The following SAP30 variants were observed in gnomAD, a reference collection of about 807,000 sequenced individuals.
SAP30 encodes the protein Sin3A associated protein 30.
SAP30 carries 13 observed loss-of-function variants against 19.6 expected under a neutral mutation model. The observed-to-expected ratio is 0.66, with a 90% CI of 0.43 to 1.05. The LOEUF is 1.05. Ranked by LOEUF, SAP30 falls within the 50% of genes least tolerant of loss-of-function variation. The probability of loss-of-function intolerance (pLI) is 0.00; values close to 1 mark genes in which losing one functional copy is unlikely to be tolerated. For synonymous variants in SAP30, 108 were observed against 122.7 expected (o/e 0.88, Z 0.79); for missense variants, 257 against 292.1 (o/e 0.88, Z 0.88).
At chr4:173,377,110 G>T in intron 3 of SAP30, 95 bp from the exon 4 acceptor site, 1 of 816,494 alleles carries the variant, frequency 1.2e-6, no homozygotes. Flanking sequence ...TTATCACATA[G>T]CACTTTTTCT....
At position 173,373,687 on chromosome 4, in the gene SAP30, T is replaced by C. The variant is rs138568066; in HGVS notation, c.441+172T>C. Among the ~76,000 whole-genome samples the C allele has an allele frequency of 3.3e-5, 5 of 152,320 alleles. No homozygotes were observed. The East Asian group carries it at 9.6e-4, about 29-fold the overall frequency. ...CATTTACACAGTTTGAATTGTTACATTTTAGATTGACAATTTTTGCAGCTC... is the reference window on the plus strand; with the variant it reads ...CATTTACACAGTTTGAATTGTTACACTTTAGATTGACAATTTTTGCAGCTC... On this transcript the variant is annotated intron_variant, in intron 2 of 3. Coordinates refer to ENST00000296504, the MANE Select transcript of SAP30 (RefSeq NM_003864.4).
Position 173,371,847 on chromosome 4 carries a change from C to T in SAP30, c.315+350C>T, listed in dbSNP as rs1410639639. Among the ~76,000 whole-genome samples the T allele has an allele frequency of 6.6e-6, 1 of 152,230 alleles. No individual in the cohort carries two copies. Among genetic ancestry groups the T allele is most frequent in the African/African-American group, 2.4e-5 (1 of 41,462 alleles). ...AGGGCCCAGAGTAGTTTTCTTGCAG[C>T]CCGGCAGCTCTTCTGGAATGGAGGC... On this transcript the variant is annotated intron_variant, in intron 1 of 3. Transcript: ENST00000296504. This position sits in a 1 kb window ranked among gnomAD's most constrained non-coding sequence, Gnocchi z 6.4.
chr4:173,370,983 C>T lies in SAP30; in HGVS notation c.-200C>T, dbSNP rs930859282. ...AGCGGGGTCCCCGCTCCAGGAGACG[C>T]TCGAGTCTGCGTCCCGGCCCTCAGC... On this transcript the variant is annotated 5_prime_UTR_variant, in exon 1 of 4. Transcript: ENST00000296504. The T allele has an allele frequency of 2.2e-5, 8 of 365,664 alleles. No homozygotes were observed. The highest frequency in any genetic ancestry group is 1.7e-4 in the African/African-American group (8 of 46,328). The allele number at this position is 365,664 out of a possible 1,614,324, so 22.7% of individuals were successfully genotyped here.
intron 3 of SAP30, among the ~76,000 whole-genome samples, chr4:173,374,710 T>C (rs1187918443): frequency 1.3e-5 from 2 of 152,196 alleles, no homozygotes; most frequent in East Asian, 1.9e-4. Flanking sequence ...AGCTTTAATG[T>C]CCTTATTAGA....
rs565954357 is a variant in SAP30 at position 173,373,857 on chromosome 4, T to TA, written c.442-78dup. 167 of 625,088 alleles carry TA rather than the reference T, an allele frequency of 2.7e-4. No individual in the cohort carries two copies. The African/African-American group carries it at 3.0e-3, about 11-fold the overall frequency. 38.7% of individuals were successfully genotyped at this position (625,088 alleles called of 1,614,324 possible). Reference sequence around the variant, plus strand: ...GAAGTAAATTTTATTGTGCTGAAGTTAAAATGTTTGTTATTATACATATCA... The same window carrying TA: ...GAAGTAAATTTTATTGTGCTGAAGTTAAAAATGTTTGTTATTATACATATCA... On this transcript the variant is annotated intron_variant, in intron 2 of 3. Transcript: ENST00000296504.
chr4:173,376,775 G>C (rs7655155), intron 3 of SAP30, among the ~76,000 whole-genome samples: 144,207 of 151,954 alleles, frequency 0.95, 68,623 homozygotes, highest in Non-Finnish European at 0.98. Flanking sequence ...TACACCACCA[G>C]GCCTATCTAA....
chr4:173,373,466 G>A lies in SAP30; in HGVS notation c.392G>A (p.Ser131Asn). 6.2e-7 allele frequency: 1 copy of A among 1,613,148 alleles called. No homozygotes were observed. The highest frequency in any genetic ancestry group is 8.5e-7 in the Non-Finnish European group (1 of 1,179,502). ...SVRNRRKRKG[S>N]DDDGGDSPVQ... ...CGAAACAGAAGAAAGAGAAAAGGGA[G>A]TGATGATGATGGAGGTGATTCACCT... Residue 131 changes from serine to asparagine, a missense_variant, in exon 2 of 4, where the codon AGT becomes AAT. Physicochemically the swap from Ser to Asn is conservative, Grantham distance 46. Transcript: ENST00000296504.
intron 3 of SAP30, among the ~76,000 whole-genome samples, chr4:173,374,330 C>T (rs1377930279): frequency 2.0e-5 from 3 of 152,154 alleles, no homozygotes; most frequent in Admixed American, 2.0e-4. Flanking sequence ...GGCTGGAGTG[C>T]AGTGGCATGA....
chr4:173,374,748 C>T (rs188423148), intron 3 of SAP30, among the ~76,000 whole-genome samples: 161 of 152,192 alleles, frequency 1.1e-3, no homozygotes, highest in Non-Finnish European at 1.9e-4. Context: ...GTGGAATAGG[C>T]CTACAAATCA....
chr4:173,377,240 T>G lies in SAP30; in HGVS notation c.576T>G (p.Asn192Lys). 1 of 1,607,398 alleles carries G rather than the reference T, an allele frequency of 6.2e-7. No homozygotes were observed. Among genetic ancestry groups the G allele is most frequent in the Non-Finnish European group, 8.5e-7 (1 of 1,177,216 alleles). Residue 192 changes from asparagine (N) to lysine (K), a missense_variant, in exon 4 of 4, where the codon AAT (asparagine) becomes AAG (lysine). By Grantham distance (94) the Asn-to-Lys change is moderately conservative. Transcript: ENST00000296504. ...GCCACTTTAGGTCTATTCCAGTGAA[T>G]GAAAAAGACACCTTAACATATTTCA... ...VGCHFRSIPV[N>K]EKDTLTYFIY...
intron 1 of SAP30, among the ~76,000 whole-genome samples, chr4:173,372,323 A>G (rs1738956576): frequency 6.6e-6 from 1 of 152,208 alleles, no homozygotes; most frequent in African/African-American, 2.4e-5. Flanking sequence ...AAAGCCTGTT[A>G]GCTCAGTCCG....
In SAP30 at chr4:173,371,168, C is replaced by G. The variant is rs1738919842; in HGVS notation, c.-15C>G. On this transcript the variant is annotated 5_prime_UTR_variant, in exon 1 of 4. Coordinates refer to ENST00000296504, the MANE Select transcript of SAP30 (RefSeq NM_003864.4). This position sits in a 1 kb window ranked among gnomAD's most constrained non-coding sequence, Gnocchi z 6.4. Reference sequence around the variant, plus strand: ...AGGGGATTTCTGTCAGCGCCGGCCTCGGGAGCTCGGAGACATGAACGGCTT... The same window carrying G: ...AGGGGATTTCTGTCAGCGCCGGCCTGGGGAGCTCGGAGACATGAACGGCTT... 1 of 1,443,946 alleles carries G rather than the reference C, an allele frequency of 6.9e-7. No individual in the cohort carries two copies. The highest frequency in any genetic ancestry group is 9.1e-7 in the Non-Finnish European group (1 of 1,099,118). 89.4% of individuals were successfully genotyped at this position (1,443,946 alleles called of 1,614,324 possible). A position where few individuals can be genotyped will look rare whatever the true frequency, so the allele number is the denominator to read the frequency against.
At chr4:173,375,730 A>T (rs190597620) in intron 3 of SAP30, among the ~76,000 whole-genome samples, 107 of 152,304 alleles carry the variant, frequency 7.0e-4, no homozygotes, top group African/African-American at 2.4e-3. Flanking sequence ...GAATGTGCAG[A>T]TGTAGTACAT....
rs576679883 is a variant in SAP30 at position 173,375,768 on chromosome 4, C to T, written c.541-1437C>T. Among the ~76,000 whole-genome samples, 10 of 152,294 alleles carry T rather than the reference C, an allele frequency of 6.6e-5. No individual in the cohort carries two copies. In the South Asian group the frequency reaches 1.7e-3, roughly 25 times the overall value. On this transcript the variant is annotated intron_variant, in intron 3 of 3. Coordinates refer to ENST00000296504, the MANE Select transcript of SAP30 (RefSeq NM_003864.4). ...ATTTTAAGAGAGGGGTCCCCAACCC[C>T]AGGGCCATGGACTGGTACTGGTTGG...
chr4:173,371,073 C>G lies in SAP30; in HGVS notation c.-110C>G. On this transcript the variant is annotated 5_prime_UTR_variant, in exon 1 of 4. Coordinates refer to ENST00000296504, the MANE Select transcript of SAP30 (RefSeq NM_003864.4). This position sits in a 1 kb window ranked among gnomAD's most constrained non-coding sequence, Gnocchi z 6.4. ...CGGGACAGTTGGTGTTTGGCCGTGC[C>G]GCTGTCTAACTTGGTGTGCAGAGTG... 8.0e-7 allele frequency: 1 copy of G among 1,245,732 alleles called. No homozygotes were observed. The highest frequency in any genetic ancestry group is 1.6e-5 in the African/African-American group (1 of 61,130). 77.2% of individuals were successfully genotyped at this position (1,245,732 alleles called of 1,614,324 possible). A position where few individuals can be genotyped will look rare whatever the true frequency, so the allele number is the denominator to read the frequency against.
rs772139800 is a variant in SAP30 at position 173,371,420 on chromosome 4, G to T, written c.238G>T (p.Ala80Ser). The change falls in exon 1 of 4, where the codon GCA (alanine) becomes TCA (serine). Residue 80 changes from alanine (A) to serine (S), a missense_variant. Coordinates refer to ENST00000296504, the MANE Select transcript of SAP30 (RefSeq NM_003864.4). This position sits in a 1 kb window ranked among gnomAD's most constrained non-coding sequence, Gnocchi z 6.4. ...GGATGGTGAGCGGTGCGGCCGGGCGGCAGGCAACGCCAGCTTCAGCAAGAG... is the reference window on the plus strand; with the variant it reads ...GGATGGTGAGCGGTGCGGCCGGGCGTCAGGCAACGCCAGCTTCAGCAAGAG... ...REDGERCGRA[A>S]GNASFSKRIQ... 8 of 1,591,042 alleles carry T rather than the reference G, an allele frequency of 5.0e-6. No individual in the cohort carries two copies. Among genetic ancestry groups the T allele is most frequent in the Non-Finnish European group, 6.8e-6 (8 of 1,175,866 alleles).
In SAP30 at chr4:173,371,573, TC is replaced by T; in HGVS notation, c.315+77del. 1 of 1,525,028 alleles carries T rather than the reference TC, an allele frequency of 6.6e-7. No individual in the cohort carries two copies. Among genetic ancestry groups the T allele is most frequent in the Non-Finnish European group, 8.8e-7 (1 of 1,136,032 alleles). 94.5% of individuals were successfully genotyped at this position (1,525,028 alleles called of 1,614,324 possible). ...AGGAGCCGGGCAAAGGCACGGGTTG[TC>T]GGCGGGGTCCCCCAGACAACCGCAC... On this transcript the variant is annotated intron_variant, in intron 1 of 3. Transcript: ENST00000296504. This position sits in a 1 kb window ranked among gnomAD's most constrained non-coding sequence, Gnocchi z 6.4.
chr4:173,371,640 A>G lies in SAP30; in HGVS notation c.315+143A>G. ...CTCGTGGAGTCTGTGTTTGGAAGCA[A>G]ATAACAAAGTCGCTGCAACTCCTAC... is the stretch of plus-strand genomic sequence containing the variant. On this transcript the variant is annotated intron_variant, in intron 1 of 3. Transcript: ENST00000296504. This position sits in a 1 kb window ranked among gnomAD's most constrained non-coding sequence, Gnocchi z 6.4. The G allele has an allele frequency of 1.0e-5, 14 of 1,374,882 alleles. 2 individuals are homozygous for G. In the South Asian group the frequency reaches 1.8e-4, roughly 18 times the overall value. 85.2% of individuals were successfully genotyped at this position (1,374,882 alleles called of 1,614,324 possible). A position where few individuals can be genotyped will look rare whatever the true frequency, so the allele number is the denominator to read the frequency against.
chr4:173,372,552 A>C (rs1176679092), intron 1 of SAP30, among the ~76,000 whole-genome samples: 1 of 152,230 alleles, frequency 6.6e-6, no homozygotes, highest in African/African-American at 2.4e-5. Context: ...CTGAAATTTA[A>C]ATATAGTTTT....
Sources: gnomAD v4.1 joint callset for allele counts (sites outside exome capture counted in the v4.1 genomes callset) on GRCh38, gnomAD v4.1.1 for gene constraint, Gnocchi (gnomAD v3.1) non-coding constraint, MANE v1.5 for transcripts, NCBI Gene and HGNC (gene_info 2026-07-23, HGNC 2026-07-21) for gene names.